SF1: variants seen among roughly 807,000 people sequenced by gnomAD.
SF1 encodes the protein branch point-binding protein.
Under a neutral mutation model 62.5 loss-of-function variants are expected in SF1, and 7 were observed. The observed-to-expected ratio is 0.11, with a 90% CI of 0.06 to 0.21. The LOEUF (loss-of-function observed/expected upper bound fraction) is 0.21. SF1 is among the 10% of genes least tolerant of loss of function. The pLI, the probability that SF1 is intolerant of heterozygous loss-of-function variation, is 1.00. For synonymous variants in SF1, 394 were observed against 323.6 expected (o/e 1.22, Z -2.33); for missense variants, 578 against 884.0 (o/e 0.65, Z 4.39).
At chr11:64,776,176 G>A in intron 2 of SF1, 1 of 319,794 alleles carries the variant, frequency 3.1e-6, no homozygotes, top group Admixed American at 5.0e-5. Flanking sequence ...CCTGTCCAGA[G>A]AGGCAGATGA....
chr11:64,769,969 C>T lies in SF1; in HGVS notation c.474G>A (p.Gly158=). The change falls in exon 5 of 13, where the codon GGG becomes GGA. Residue 158 remains glycine (G), a synonymous_variant. Transcript: ENST00000377390. ...ATAGACCAGCAGTTACTCACCTGGGCCCGATGAGCAGCCCCACAAAGTTGA... is the reference window on the plus strand; with the variant it reads ...ATAGACCAGCAGTTACTCACCTGGGTCCGATGAGCAGCCCCACAAAGTTGA... ...PEINFVGLLI[G]PRGNTLKNIE... is the part of the protein sequence containing the mutation. The T allele has an allele frequency of 6.2e-7, 1 of 1,610,580 alleles. No individual in the cohort carries two copies. Among genetic ancestry groups the T allele is most frequent in the Non-Finnish European group, 8.5e-7 (1 of 1,176,758 alleles).
At chr11:64,771,020 C>T (rs1025596846) in intron 3 of SF1, among the ~76,000 whole-genome samples, 3 of 152,180 alleles carry the variant, frequency 2.0e-5, no homozygotes, top group Non-Finnish European at 4.4e-5. Context: ...CAGGAGACAA[C>T]CTGTTTTCTG....
At chr11:64,774,361 T>C (rs1421245777) in intron 2 of SF1, among the ~76,000 whole-genome samples, 2 of 152,190 alleles carry the variant, frequency 1.3e-5, no homozygotes, top group Non-Finnish European at 2.9e-5. Flanking sequence ...TTCACAAAAG[T>C]TGCCAGTGAC....
At chr11:64,777,847 CA>C (rs1939593645) in intron 1 of SF1, 3 of 953,020 alleles carry the variant, frequency 3.1e-6, no homozygotes, top group African/African-American at 1.8e-5. Context: ...CGCGCGCGCC[CA>C]GGGGCGCCTC....
chr11:64,768,621 C>A (rs1318375288), intron 8 of SF1, among the ~76,000 whole-genome samples: 1 of 152,260 alleles, frequency 6.6e-6, no homozygotes, highest in Non-Finnish European at 1.5e-5. Flanking sequence ...AAGACTGGCA[C>A]AACTGCCAGA....
At chr11:64,766,690 C>G (rs117537515) in intron 12 of SF1, 3 of 463,524 alleles carry the variant, frequency 6.5e-6, no homozygotes. Flanking sequence ...CCCCCACGAA[C>G]CTCTCCCCAG....
chr11:64,769,694 G>A, intron 5 of SF1, 85 bp from the exon 6 acceptor site: 1 of 1,246,990 alleles, frequency 8.0e-7, no homozygotes, highest in African/African-American at 1.5e-5. Flanking sequence ...GGCATTGGTG[G>A]GAAACCACAA....
chr11:64,770,470 A>G (rs1225249846), intron 3 of SF1, 62 bp from the exon 4 acceptor site: 11 of 1,568,934 alleles, frequency 7.0e-6, no homozygotes, highest in South Asian at 4.5e-5. Context: ...CACACGGACT[A>G]TAACAAGTCT....
chr11:64,768,251 C>T lies in SF1; in HGVS notation c.923G>A (p.Arg308Gln). The T allele has an allele frequency of 1.2e-6, 2 of 1,613,678 alleles. No individual in the cohort carries two copies. The highest frequency in any genetic ancestry group is 1.7e-6 in the Non-Finnish European group (2 of 1,179,856). Residue 308 changes from arginine to glutamine, a missense_variant, in exon 9 of 13, where the codon CGG becomes CAG. Around this residue, in one of 7 missense-constraint regions of SF1, gnomAD observed 45 missense variants for 97.8 expected, o/e 0.46. Transcript: ENST00000377390. The stretch of plus-strand genomic sequence containing the variant: ...GAGGGACAAATATTCTTTATCCATC[C>T]GTGCTTTATCCTGAGCTGACTGAGG... Reference protein sequence around the residue: ...GDPQSAQDKARMDKEYLSLMA... With the variant: ...GDPQSAQDKAQMDKEYLSLMA...
intron 3 of SF1, 107 bp downstream of exon 3, chr11:64,773,320 AGTC>A: frequency 6.5e-7 from 1 of 1,526,974 alleles, no homozygotes; most frequent in Non-Finnish European, 8.8e-7. Flanking sequence ...GTCAGGGTAC[AGTC>A]GTCATACTAT....
intron 3 of SF1, chr11:64,771,404 A>C: frequency 6.4e-6 from 6 of 941,240 alleles, no homozygotes; most frequent in South Asian, 4.9e-5. Context: ...CAAGAAGGGA[A>C]GAGACCATGT....
rs1336284138 is a variant in SF1 at position 64,765,987 on chromosome 11, G to A, written c.1751C>T (p.Pro584Leu). Reference protein sequence around the residue: ...QPPLPPGAPPPPPPPPPGSAG... With the variant: ...QPPLPPGAPPLPPPPPPGSAG... ...GGAACCAGGCGGTGGAGGCGGCGGA[G>A]GGGGAGGGGCCCCAGGCGGCAGAGG... Residue 584 changes from proline to leucine, a missense_variant, in exon 13 of 13, where the codon CCT (proline) becomes CTT (leucine). Around this residue, in one of 7 missense-constraint regions of SF1, gnomAD observed 410 missense variants for 452.4 expected, o/e 0.91. Transcript: ENST00000377390. 1.2e-6 allele frequency: 2 copies of A among 1,603,214 alleles called. No individual in the cohort carries two copies. Among genetic ancestry groups the A allele is most frequent in the East Asian group, 4.5e-5 (2 of 44,502 alleles).
chr11:64,775,314 T>A (rs1939016086), intron 2 of SF1, among the ~76,000 whole-genome samples: 1 of 152,198 alleles, frequency 6.6e-6, no homozygotes. Flanking sequence ...AATGGAGATA[T>A]AAAGAATTTG....
chr11:64,765,837 G>T lies in SF1; in HGVS notation c.1901C>A (p.Pro634Gln). 1.9e-6 allele frequency: 3 copies of T among 1,552,648 alleles called. No homozygotes were observed. Among genetic ancestry groups the T allele is most frequent in the Non-Finnish European group, 2.6e-6 (3 of 1,148,836 alleles). Residue 634 changes from proline to glutamine, a missense_variant, in exon 13 of 13, where the codon CCG (proline) becomes CAG (glutamine). This residue lies in a region of SF1 where 410 missense variants were observed against 452.4 expected (regional missense o/e 0.91). Coordinates refer to ENST00000377390, the MANE Select transcript of SF1 (RefSeq NM_004630.4). ...ACAAGTCTAGTTCTGTGGTGGAGGCGGTGGGGGAGCTGGAGGCATCCCGAA... is the reference window on the plus strand; with the variant it reads ...ACAAGTCTAGTTCTGTGGTGGAGGCTGTGGGGGAGCTGGAGGCATCCCGAA... Reference protein sequence around the residue: ...PPFGMPPAPPPPPPQN With the variant: ...PPFGMPPAPPQPPPQN
intron 6 of SF1, 26 bp downstream of exon 6, chr11:64,769,400 G>A (rs373299928): frequency 1.2e-6 from 2 of 1,613,500 alleles, no homozygotes; most frequent in African/African-American, 1.3e-5. Context: ...CTGCTAGGAG[G>A]CTTCCTTTCT....
intron 1 of SF1, 175 bp downstream of exon 1, chr11:64,778,187 G>T (rs1350098378): frequency 2.0e-6 from 2 of 1,021,424 alleles, no homozygotes; most frequent in African/African-American, 1.7e-5. Context: ...AGGCGGCGGA[G>T]GCAGCGCCGC....
intron 2 of SF1, among the ~76,000 whole-genome samples, chr11:64,774,294 T>A (rs1190660489): frequency 6.6e-6 from 1 of 152,214 alleles, no homozygotes; most frequent in African/African-American, 2.4e-5. Flanking sequence ...AAGGACAATG[T>A]ACTTGGCCCT....
chr11:64,778,240 C>G (rs1939728492), intron 1 of SF1, 122 bp downstream of exon 1: 1 of 1,197,724 alleles, frequency 8.3e-7, no homozygotes, highest in African/African-American at 1.6e-5. Context: ...AGCCCACGGG[C>G]GGGGGCGGCG....
At chr11:64,768,946 G>T in intron 8 of SF1, 76 bp downstream of exon 8, 2 of 942,736 alleles carry the variant, frequency 2.1e-6, no homozygotes, top group African/African-American at 1.6e-5. Flanking sequence ...AAGATTAACA[G>T]CAACCAATGA....
Sources: allele counts gnomAD v4.1 joint callset (sites outside exome capture counted in the v4.1 genomes callset), GRCh38; gene constraint gnomAD v4.1.1; regional missense constraint gnomAD v4.1.1; transcripts MANE v1.5; gene names NCBI Gene and HGNC (gene_info 2026-07-23, HGNC 2026-07-21).